KIF4A: variants seen among roughly 807,000 people sequenced by gnomAD.
KIF4A encodes chromosome-associated kinesin KIF4A.
KIF4A carries 7 observed loss-of-function variants against 105.9 expected under a neutral mutation model. The observed-to-expected ratio is 0.07, with a 90% CI of 0.04 to 0.12. KIF4A has a LOEUF of 0.12. KIF4A is among the 10% of genes least tolerant of loss of function. KIF4A has a pLI of 1.00. For synonymous variants in KIF4A, 281 were observed against 331.3 expected (o/e 0.85, Z 1.65); for missense variants, 558 against 929.2 (o/e 0.60, Z 5.19).
At chrX:70,368,126 A>G (rs1195583390) in intron 15 of KIF4A, among the ~76,000 whole-genome samples, 1 of 111,463 alleles carries the variant, frequency 9.0e-6, no homozygotes, top group Non-Finnish European at 1.9e-5. Flanking sequence ...ACTTCTCTGC[A>G]TTGGTTATTC....
chrX:70,395,854 C>G (rs1209710913), intron 21 of KIF4A, 28 bp downstream of exon 21: 1 of 1,204,796 alleles, frequency 8.3e-7, no homozygotes, highest in African/African-American at 1.8e-5. Context: ...AAAATGTTGC[C>G]AATAATCAGA....
chrX:70,347,052 G>C (rs886720113), intron 13 of KIF4A, among the ~76,000 whole-genome samples: 7 of 111,854 alleles, frequency 6.3e-5, no homozygotes, highest in African/African-American at 2.0e-4. Context: ...AAACCTCCTT[G>C]TGCAGTTACC....
chrX:70,363,494 G>A (rs1442779674), intron 15 of KIF4A, among the ~76,000 whole-genome samples: 9 of 111,161 alleles, frequency 8.1e-5, no homozygotes, highest in Non-Finnish European at 1.5e-4. Context: ...AATATGCAGT[G>A]TTTGGTTTTT....
intron 28 of KIF4A, among the ~76,000 whole-genome samples, chrX:70,411,424 T>C (rs1266603916): frequency 9.0e-6 from 1 of 111,654 alleles, no homozygotes. Context: ...TTCTTTGTTT[T>C]TTGTTTTTGC....
intron 20 of KIF4A, 109 bp from the exon 21 acceptor site, chrX:70,395,562 T>C: frequency 1.0e-6 from 1 of 970,603 alleles, no homozygotes; most frequent in South Asian, 2.2e-5. Context: ...ATATCACACT[T>C]GTAGTTACTT....
chrX:70,351,375 C>T (rs1395605808), intron 13 of KIF4A, among the ~76,000 whole-genome samples: 2 of 112,235 alleles, frequency 1.8e-5, no homozygotes, highest in African/African-American at 6.5e-5. Context: ...ATTTAGTTCC[C>T]ACTTATAAGT....
intron 15 of KIF4A, chrX:70,361,597 G>T: frequency 5.9e-6 from 1 of 168,227 alleles, no homozygotes; most frequent in South Asian, 1.3e-4. Context: ...TCACCACCAT[G>T]ACAAACTTCA....
At chrX:70,377,664 G>A (rs766113040) in intron 18 of KIF4A, among the ~76,000 whole-genome samples, 72 of 112,594 alleles carry the variant, frequency 6.4e-4, no homozygotes, top group African/African-American at 2.2e-3. Flanking sequence ...GGCCATGCAT[G>A]GTGGCTCACT....
At chrX:70,369,791 C>T (rs1283872415) in intron 15 of KIF4A, among the ~76,000 whole-genome samples, 6 of 110,917 alleles carry the variant, frequency 5.4e-5, no homozygotes, top group East Asian at 2.8e-4. Flanking sequence ...TAAACACACA[C>T]GTGTGTGTGT....
chrX:70,297,313 A>C (rs2085787181), intron 4 of KIF4A, 125 bp downstream of exon 4: 2 of 597,536 alleles, frequency 3.3e-6, no homozygotes, highest in South Asian at 6.3e-5. Flanking sequence ...TTGATAGAGA[A>C]AACTTACTGA....
chrX:70,404,325 C>A (rs1668494162), intron 24 of KIF4A, among the ~76,000 whole-genome samples: 1 of 110,948 alleles, frequency 9.0e-6, no homozygotes, highest in South Asian at 3.8e-4. Context: ...CTTTGGGAGG[C>A]CAAGGCAGGC....
chrX:70,299,774 G>A (rs1217446220), intron 5 of KIF4A, among the ~76,000 whole-genome samples: 2 of 111,436 alleles, frequency 1.8e-5, no homozygotes, highest in Non-Finnish European at 3.8e-5. Context: ...CTGGGCTTTG[G>A]GATGATATTT....
intron 27 of KIF4A, 83 bp from the exon 28 acceptor site, chrX:70,406,810 C>T: frequency 1.0e-6 from 1 of 972,624 alleles, no homozygotes; most frequent in Non-Finnish European, 1.4e-6. Context: ...ATATAGCTGG[C>T]AACAGCTACT....
At chrX:70,378,608 G>A (rs543369385) in intron 18 of KIF4A, among the ~76,000 whole-genome samples, 9 of 109,375 alleles carry the variant, frequency 8.2e-5, no homozygotes, top group African/African-American at 3.0e-4. Context: ...CATGCCTGTA[G>A]TCCCAGCTAC....
intron 22 of KIF4A, 136 bp from the exon 23 acceptor site, chrX:70,402,430 T>C (rs1470394551): frequency 2.0e-5 from 15 of 752,042 alleles, no homozygotes; most frequent in Middle Eastern, 4.8e-4. Context: ...CCTAACCAGA[T>C]GACTTAAACA....
At chrX:70,339,137 A>G (rs1285220769) in intron 10 of KIF4A, among the ~76,000 whole-genome samples, 1 of 110,583 alleles carries the variant, frequency 9.0e-6, no homozygotes, top group East Asian at 2.8e-4. Context: ...TCTTCTAGTA[A>G]TAATGTCGTT....
intron 20 of KIF4A, among the ~76,000 whole-genome samples, chrX:70,390,900 G>A (rs1018873721): frequency 1.8e-5 from 2 of 111,736 alleles, no homozygotes; most frequent in Non-Finnish European, 1.9e-5. Context: ...AGCATAATTC[G>A]AGATTAATTT....
In KIF4A at chrX:70,367,098, G is replaced by T. The variant is rs183126593; in HGVS notation, c.1675-7053G>T. ...CCTTGCCTTTTTTTGTTTTCCATTT[G>T]CTTGGTAGATCTTCCTCCATCCCTT... On this transcript the variant is annotated intron_variant, in intron 15 of 30. Coordinates refer to ENST00000374403, the MANE Select transcript of KIF4A (RefSeq NM_012310.5). 1.5e-4 allele frequency among the ~76,000 whole-genome samples: 17 copies of T among 111,170 alleles called. No homozygotes were observed. The East Asian group carries it at 2.3e-3, about 15-fold the overall frequency.
chrX:70,356,222 A>C (rs1602769287), intron 15 of KIF4A, among the ~76,000 whole-genome samples: 1 of 110,753 alleles, frequency 9.0e-6, no homozygotes, highest in African/African-American at 3.3e-5. Flanking sequence ...TGGAGGCTGC[A>C]GTGAGCTGAG....
Sources: gnomAD v4.1 joint callset for allele counts (sites outside exome capture counted in the v4.1 genomes callset) on GRCh38, gnomAD v4.1.1 for gene constraint, MANE v1.5 for transcripts, NCBI Gene and HGNC (gene_info 2026-07-23, HGNC 2026-07-21) for gene names.